PCSK5: variants seen among roughly 807,000 people sequenced by gnomAD.
PCSK5 encodes proprotein convertase subtilisin/kexin type 5.
PCSK5 carries 129 observed loss-of-function variants against 233.2 expected under a neutral mutation model. The ratio of observed to expected loss-of-function variants is 0.55; its 90% CI spans 0.48 to 0.64. The LOEUF is 0.64. PCSK5 is among the 30% of genes least tolerant of loss of function. PCSK5 has a pLI of 0.00. For synonymous variants in PCSK5, 825 were observed against 879.2 expected, an observed-to-expected ratio of 0.94 and a Z score of 1.09; for missense variants, 2,076 against 2,430.1, an observed-to-expected ratio of 0.85 and a Z score of 3.06.
intron 35 of PCSK5, among the ~76,000 whole-genome samples, chr9:76,340,196 A>G (rs1258111688): frequency 6.6e-6 from 1 of 152,170 alleles, no homozygotes; most frequent in Non-Finnish European, 1.5e-5. Context: ...CCCCTCAAGC[A>G]AAGGCAAGGA....
chr9:75,909,310 A>G (rs552136947), intron 1 of PCSK5, among the ~76,000 whole-genome samples: 15 of 150,504 alleles, frequency 1.0e-4, no homozygotes, highest in Non-Finnish European at 2.2e-4. Context: ...TGGGTGACAG[A>G]GTGAGACTCC....
chr9:75,969,857 T>G (rs1161788463), intron 2 of PCSK5, among the ~76,000 whole-genome samples: 1 of 151,746 alleles, frequency 6.6e-6, no homozygotes, highest in Non-Finnish European at 1.5e-5. Context: ...ACGGGTTCCT[T>G]GGACTCCAGA....
intron 20 of PCSK5, among the ~76,000 whole-genome samples, chr9:76,216,561 G>A (rs1825540529): frequency 1.3e-5 from 2 of 152,096 alleles, no homozygotes; most frequent in African/African-American, 4.8e-5. Flanking sequence ...AAGCAATAGA[G>A]GAAGAGCTGA....
At chr9:76,139,870 G>T (rs1015437767) in intron 10 of PCSK5, among the ~76,000 whole-genome samples, 10 of 152,108 alleles carry the variant, frequency 6.6e-5, no homozygotes, top group African/African-American at 2.4e-4. Context: ...CCTGGTAGAT[G>T]ATTTACCCAA....
chr9:75,994,359 G>A (rs2994426), intron 3 of PCSK5, among the ~76,000 whole-genome samples: 135,030 of 141,822 alleles, frequency 0.95, 64,277 homozygotes, highest in East Asian at 1. Flanking sequence ...CTAGTTATCC[G>A]CCTCCCAACC....
intron 7 of PCSK5, among the ~76,000 whole-genome samples, chr9:76,077,455 C>A (rs1830680508): frequency 6.6e-6 from 1 of 152,086 alleles, no homozygotes; most frequent in African/African-American, 2.4e-5. Context: ...TTCAGGGGTA[C>A]ATGTGCAGGT....
At chr9:76,240,101 C>T (rs933445493) in intron 23 of PCSK5, among the ~76,000 whole-genome samples, 6 of 152,190 alleles carry the variant, frequency 3.9e-5, no homozygotes, top group Admixed American at 6.5e-5. Context: ...AAGAATGCCA[C>T]GGACTGTTAT....
intron 29 of PCSK5, 65 bp downstream of exon 29, chr9:76,308,793 G>A: frequency 1.0e-6 from 1 of 996,802 alleles, no homozygotes; most frequent in African/African-American, 1.6e-5. Context: ...CATGTGTAGT[G>A]GCATCTTGGT....
chr9:76,058,728 A>G (rs1829916614), intron 5 of PCSK5, among the ~76,000 whole-genome samples: 1 of 152,236 alleles, frequency 6.6e-6, no homozygotes, highest in African/African-American at 2.4e-5. Flanking sequence ...GTGGAATTAA[A>G]TTCACAATTT....
chr9:76,321,395 C>T, intron 30 of PCSK5, 27 bp from the exon 31 acceptor site: 2 of 1,235,946 alleles, frequency 1.6e-6, no homozygotes, highest in Non-Finnish European at 2.4e-6. Flanking sequence ...TCAGCTTCTC[C>T]AGTTGCACTC....
intron 24 of PCSK5, among the ~76,000 whole-genome samples, chr9:76,250,506 C>G (rs1826767379): frequency 6.6e-6 from 1 of 152,140 alleles, no homozygotes; most frequent in African/African-American, 2.4e-5. Context: ...GTAATGAGAA[C>G]CACTTTACCT....
chr9:76,134,808 C>T (rs1193641287), intron 10 of PCSK5, among the ~76,000 whole-genome samples: 1 of 151,950 alleles, frequency 6.6e-6, no homozygotes, highest in African/African-American at 2.4e-5. Flanking sequence ...TTTCCCATGG[C>T]TAATACAGAT....
chr9:76,164,506 G>A (rs1236078162), intron 12 of PCSK5, among the ~76,000 whole-genome samples: 2 of 152,162 alleles, frequency 1.3e-5, no homozygotes, highest in East Asian at 1.9e-4. Flanking sequence ...TTTACACAGT[G>A]CTTCTCCAAG....
intron 20 of PCSK5, chr9:76,193,423 A>G: frequency 2.8e-6 from 3 of 1,066,592 alleles, no homozygotes; most frequent in Admixed American, 3.6e-5. Context: ...GAAAAAAGCC[A>G]AAAAGAAAAA....
intron 14 of PCSK5, 91 bp downstream of exon 14, chr9:76,175,220 T>TG (rs1564081110): frequency 7.9e-5 from 41 of 521,244 alleles, no homozygotes; most frequent in African/African-American, 1.1e-4. Flanking sequence ...TGGAATGGAA[T>TG]GAAATGGAAT....
chr9:76,086,182 G>A (rs995581454), intron 7 of PCSK5, among the ~76,000 whole-genome samples: 1 of 152,098 alleles, frequency 6.6e-6, no homozygotes, highest in Non-Finnish European at 1.5e-5. Context: ...ACTTTTGGCA[G>A]GTGTGAGAAT....
chr9:76,040,377 C>CTCTCTCTGTCTCTCTGTCTCTCTG (rs1563988616), intron 5 of PCSK5, among the ~76,000 whole-genome samples: 5 of 59,850 alleles, frequency 8.4e-5, no homozygotes, highest in Admixed American at 2.0e-4. Context: ...CTCTCTCTCT[C>CTCTCTCTGTCTCTCTGTCTCTCTG]TCTCTCTGTC....
chr9:76,135,670 G>T (rs1822940851), intron 10 of PCSK5, among the ~76,000 whole-genome samples: 1 of 152,016 alleles, frequency 6.6e-6, no homozygotes, highest in South Asian at 2.1e-4. Flanking sequence ...GTTTCATTTT[G>T]ATTAGCTTCC....
intron 5 of PCSK5, among the ~76,000 whole-genome samples, chr9:76,064,212 G>C (rs1830166722): frequency 4.4e-5 from 5 of 113,082 alleles, no homozygotes; most frequent in Admixed American, 1.6e-4. Context: ...TCCCGGACGG[G>C]GCGGCTGGCC....
Sources: allele counts gnomAD v4.1 joint callset (sites outside exome capture counted in the v4.1 genomes callset), GRCh38; gene constraint gnomAD v4.1.1; transcripts MANE v1.5; gene names NCBI Gene and HGNC (gene_info 2026-07-23, HGNC 2026-07-21).